The following STX2 variants were observed in gnomAD, a reference collection of about 807,000 sequenced individuals.
The protein encoded by STX2 is syntaxin 2.
STX2 carries 27 observed loss-of-function variants against 40.6 expected under a neutral mutation model. The ratio of observed to expected loss-of-function variants is 0.66; its 90% CI spans 0.49 to 0.92. STX2 has a LOEUF of 0.92. Ranked by LOEUF, STX2 falls within the 40% of genes least tolerant of loss-of-function variation. The probability of loss-of-function intolerance (pLI) is 0.00; values close to 1 mark genes in which losing one functional copy is unlikely to be tolerated. For synonymous variants in STX2, 123 were observed against 119.1 expected, an observed-to-expected ratio of 1.03 and a Z score of -0.22; for missense variants, 328 against 366.1, an observed-to-expected ratio of 0.90 and a Z score of 0.85.
intron 7 of STX2, 41 bp from the exon 8 acceptor site, chr12:130,801,331 T>C (rs372254173): frequency 1.5e-4 from 248 of 1,600,328 alleles, no homozygotes; most frequent in Non-Finnish European, 2.0e-4. Flanking sequence ...AATAAACTTA[T>C]GATGGGTTTG....
At chr12:130,812,155 T>C in intron 4 of STX2, 1 of 236,004 alleles carries the variant, frequency 4.2e-6, no homozygotes, top group Non-Finnish European at 8.5e-6. Context: ...TATTTGGGAC[T>C]CAATTCAAGC....
chr12:130,801,529 C>T, intron 6 of STX2, 41 bp from the exon 7 acceptor site: 1 of 1,514,326 alleles, frequency 6.6e-7, no homozygotes, highest in Non-Finnish European at 8.9e-7. Context: ...GAATGCAGCA[C>T]AATTTAAAAA....
Position 130,821,803 on chromosome 12 carries a change from G to T in STX2, c.106-15C>A. On this transcript the variant is annotated splice_polypyrimidine_tract_variant and intron_variant, in intron 2 of 10. Transcript: ENST00000392373. Reference sequence around the variant, plus strand: ...ATCTCCTCCACCTAGGAGAGAGAGAGAGTCATTACAGCATGGCAAACTCAA... The same window carrying T: ...ATCTCCTCCACCTAGGAGAGAGAGATAGTCATTACAGCATGGCAAACTCAA... 6.4e-7 allele frequency: 1 copy of T among 1,554,538 alleles called. No individual in the cohort carries two copies. Among genetic ancestry groups the T allele is most frequent in the Non-Finnish European group, 8.9e-7 (1 of 1,127,816 alleles).
intron 4 of STX2, among the ~76,000 whole-genome samples, chr12:130,811,942 C>G (rs1189946594): frequency 6.6e-6 from 1 of 152,124 alleles, no homozygotes; most frequent in African/African-American, 2.4e-5. Context: ...TCAGATAAAG[C>G]TTGGAGAATT....
chr12:130,830,465 G>A lies in STX2; in HGVS notation c.31-3198C>T, dbSNP rs550212735. 7.9e-5 allele frequency among the ~76,000 whole-genome samples: 12 copies of A among 152,262 alleles called. No individual in the cohort carries two copies. The South Asian group carries it at 1.0e-3, about 13-fold the overall frequency. ...CTCCTCCACTCTGAACCCACGGCAC[G>A]GGCGGATTTTTGTTCCAAGTCATTC... On this transcript the variant is annotated intron_variant, in intron 1 of 10. Transcript: ENST00000392373.
Position 130,798,756 on chromosome 12 carries a change from GT to G in STX2, c.676-122del, listed in dbSNP as rs1488526191. The G allele has an allele frequency of 2.5e-5, 15 of 598,202 alleles. No individual in the cohort carries two copies. The East Asian group carries it at 4.2e-4, about 17-fold the overall frequency. 37.1% of individuals were successfully genotyped at this position (598,202 alleles called of 1,614,324 possible). On this transcript the variant is annotated intron_variant, in intron 8 of 10. Transcript: ENST00000392373. ...GATGTGCATGTAATGGATACTGAGG[GT>G]TTTTTTCACATTTACAGAAAGATAA...
At chr12:130,839,033 G>A in intron 1 of STX2, 37 bp downstream of exon 1, 8 of 783,344 alleles carry the variant, frequency 1.0e-5, no homozygotes, top group South Asian at 2.5e-5. Flanking sequence ...ACGCCGCCCC[G>A]GCCGGGCCTG....
At chr12:130,795,006 C>T (rs1028142769) in intron 10 of STX2, among the ~76,000 whole-genome samples, 4 of 152,090 alleles carry the variant, frequency 2.6e-5, no homozygotes, top group Non-Finnish European at 1.5e-5. Flanking sequence ...AGGATGGCTC[C>T]CAATGCAGAA....
At position 130,839,243 on chromosome 12, in the gene STX2, G is replaced by A; in HGVS notation, c.-144C>T. 16 of 665,772 alleles carry A rather than the reference G, an allele frequency of 2.4e-5. No individual in the cohort carries two copies. The highest frequency in any genetic ancestry group is 3.0e-5 in the Non-Finnish European group (16 of 530,402). 41.2% of individuals were successfully genotyped at this position (665,772 alleles called of 1,614,324 possible). A position where few individuals can be genotyped will look rare whatever the true frequency, so the allele number is the denominator to read the frequency against. ...CCTCCCTGGAGCCGGCGCTGCCACG[G>A]CAACCGCGCCCCGCGCGCTCTGCGC... On this transcript the variant is annotated 5_prime_UTR_variant, in exon 1 of 11. Transcript: ENST00000392373.
At chr12:130,811,222 G>A (rs949509101) in intron 4 of STX2, among the ~76,000 whole-genome samples, 3 of 151,976 alleles carry the variant, frequency 2.0e-5, no homozygotes, top group Non-Finnish European at 4.4e-5. Flanking sequence ...GCCAGGCGTG[G>A]TGGCGGGCGC....
At chr12:130,833,377 C>T (rs1211014795) in intron 1 of STX2, among the ~76,000 whole-genome samples, 4 of 151,174 alleles carry the variant, frequency 2.6e-5, no homozygotes, top group African/African-American at 9.7e-5. Context: ...GATGGTACTA[C>T]GTGCCCTCAA....
In STX2 at chr12:130,803,666, C is replaced by CAA. The variant is rs869033438; in HGVS notation, c.464-2180_464-2179dup. Among the ~76,000 whole-genome samples, 105 of 16,714 alleles carry CAA rather than the reference C, an allele frequency of 6.3e-3. 3 individuals are homozygous for CAA. Among genetic ancestry groups the CAA allele is most frequent in the African/African-American group, 0.018 (99 of 5,552 alleles). 11.0% of individuals were successfully genotyped at this position (16,714 alleles called of 152,430 possible). Reference sequence around the variant, plus strand: ...TGGGTGACAGCGTGAGGCTCTCTCTCAAAAAAAAAAAAAAAAAAAAAAACA... The same window carrying CAA: ...TGGGTGACAGCGTGAGGCTCTCTCTCAAAAAAAAAAAAAAAAAAAAAAAAACA... On this transcript the variant is annotated intron_variant, in intron 6 of 10. Coordinates refer to ENST00000392373, the MANE Select transcript of STX2 (RefSeq NM_194356.4).
chr12:130,839,040 C>A, intron 1 of STX2, 30 bp downstream of exon 1: 1 of 1,315,178 alleles, frequency 7.6e-7, no homozygotes, highest in Admixed American at 3.1e-5. Flanking sequence ...CCCGGCCGGG[C>A]CTGAACCGCT....
chr12:130,801,552 C>A, intron 6 of STX2, 64 bp from the exon 7 acceptor site: 3 of 1,462,292 alleles, frequency 2.1e-6, no homozygotes, highest in East Asian at 2.4e-5. Flanking sequence ...AAGCCATTTG[C>A]AACCATAAGT....
intron 6 of STX2, among the ~76,000 whole-genome samples, chr12:130,805,819 T>A (rs1951409788): frequency 6.6e-6 from 1 of 152,142 alleles, no homozygotes; most frequent in Admixed American, 6.5e-5. Context: ...GTTCACAATG[T>A]CTGGCACACA....
rs530486080 is a variant in STX2, at chr12:130,798,585, A to G, written c.726T>C (p.Tyr242=). ...IERNVMNATD[Y]VEHAKEETKK... Reference sequence around the variant, plus strand: ...TTGTTTCTTCTTTAGCGTGTTCTACATAGTCTGTGGCATTCATAACATTTC... The same window carrying G: ...TTGTTTCTTCTTTAGCGTGTTCTACGTAGTCTGTGGCATTCATAACATTTC... The change falls in exon 9 of 11, where the codon TAT becomes TAC. Residue 242 remains tyrosine, a synonymous_variant. Transcript: ENST00000392373. 11 of 1,608,654 alleles carry G rather than the reference A, an allele frequency of 6.8e-6. No individual in the cohort carries two copies. The highest frequency in any genetic ancestry group is 1.3e-5 in the African/African-American group (1 of 74,718).
At chr12:130,830,406 G>A (rs563469799) in intron 1 of STX2, among the ~76,000 whole-genome samples, 9 of 152,154 alleles carry the variant, frequency 5.9e-5, no homozygotes, top group Non-Finnish European at 1.0e-4. Flanking sequence ...CCCATGCTGC[G>A]CGATGCACCC....
chr12:130,827,120 A>AGGAG, intron 2 of STX2, 73 bp downstream of exon 2: 1 of 526,572 alleles, frequency 1.9e-6, no homozygotes, highest in Non-Finnish European at 3.3e-6. Flanking sequence ...GAGGGAAGAA[A>AGGAG]GGAGGGAGGG....
At chr12:130,805,490 A>G (rs1951396521) in intron 6 of STX2, among the ~76,000 whole-genome samples, 2 of 152,182 alleles carry the variant, frequency 1.3e-5, no homozygotes, top group South Asian at 4.1e-4. Context: ...GGAGTATGAG[A>G]GATGAGAGAG....
Sources: gnomAD v4.1 joint callset for allele counts (sites outside exome capture counted in the v4.1 genomes callset) on GRCh38, gnomAD v4.1.1 for gene constraint, MANE v1.5 for transcripts, NCBI Gene and HGNC (gene_info 2026-07-23, HGNC 2026-07-21) for gene names.